ZNF469: variants seen among roughly 807,000 people sequenced by gnomAD.
ZNF469 encodes the protein zinc finger protein 469.
In ZNF469, 1 loss-of-function variant was observed where a neutral mutation model predicts 1.0. The observed-to-expected ratio is 1.00, with a 90% CI of 0.35 to 4.73. The LOEUF is 4.73. ZNF469 is among the 30% of genes most tolerant of loss of function. ZNF469 has a pLI of 0.16. For synonymous variants in ZNF469, 2,703 were observed against 2,363.4 expected, an observed-to-expected ratio of 1.14 and a Z score of -4.17; for missense variants, 6,100 against 5,356.3, an observed-to-expected ratio of 1.14 and a Z score of -4.33.
At chr16:88,166,557 C>A in the ZNF469 span, among the ~76,000 whole-genome samples, 1 of 152,142 alleles carries the variant, frequency 6.6e-6, no homozygotes, top group Non-Finnish European at 1.5e-5. This position sits in a 1 kb window ranked among gnomAD's most constrained non-coding sequence, Gnocchi z 4.5. Context: ...CCCAGCCATC[C>A]GTGTCCCTCC....
upstream of ZNF469, among the ~76,000 whole-genome samples, chr16:88,378,906 G>A (rs1182980188): frequency 2.6e-5 from 4 of 152,178 alleles, no homozygotes; most frequent in East Asian, 1.9e-4. Context: ...CTCCTCTCTC[G>A]AGAGCCCATC....
the ZNF469 span, among the ~76,000 whole-genome samples, chr16:88,356,119 C>A: frequency 6.6e-6 from 1 of 152,170 alleles, no homozygotes; most frequent in African/African-American, 2.4e-5. Context: ...CACTTCAGAA[C>A]TATGTGTGTA....
intron 1 of ZNF469, among the ~76,000 whole-genome samples, chr16:88,388,697 G>A (rs748306662): frequency 5.3e-5 from 8 of 152,226 alleles, no homozygotes; most frequent in Non-Finnish European, 1.0e-4. Context: ...TGTAGAAGCC[G>A]GAGAGCCTGA....
At chr16:88,192,289 G>A in the ZNF469 span, 1 of 152,186 alleles carries the variant, frequency 6.6e-6, no homozygotes, top group Non-Finnish European at 1.5e-5. Flanking sequence ...TAAGGCTGCT[G>A]GTAGAGCCTC....
At chr16:88,187,603 T>A in the ZNF469 span, among the ~76,000 whole-genome samples, 6 of 152,144 alleles carry the variant, frequency 3.9e-5, no homozygotes, top group East Asian at 1.9e-4. Flanking sequence ...TTATTTATTT[T>A]TTTTGACTTG....
chr16:88,128,822 C>T, the ZNF469 span, among the ~76,000 whole-genome samples: 2 of 152,352 alleles, frequency 1.3e-5, no homozygotes, highest in East Asian at 1.9e-4. Context: ...GCTCTGCTCA[C>T]CTGGGCCGGG....
At chr16:88,150,113 G>A in the ZNF469 span, among the ~76,000 whole-genome samples, 1 of 152,174 alleles carries the variant, frequency 6.6e-6, no homozygotes, top group African/African-American at 2.4e-5. Flanking sequence ...TTCGTGACCA[G>A]CCTGGCCAAC....
the ZNF469 span, among the ~76,000 whole-genome samples, chr16:88,238,406 G>A: frequency 6.6e-6 from 1 of 152,194 alleles, no homozygotes; most frequent in East Asian, 1.9e-4. Flanking sequence ...GGGACGCAGA[G>A]ACCCTAGATA....
the ZNF469 span, among the ~76,000 whole-genome samples, chr16:88,184,494 G>A: frequency 6.6e-6 from 1 of 151,814 alleles, no homozygotes; most frequent in Non-Finnish European, 1.5e-5. Context: ...CCTGGCGTTC[G>A]GTTTGTTTGT....
chr16:88,104,681 G>A, the ZNF469 span, among the ~76,000 whole-genome samples: 1 of 152,246 alleles, frequency 6.6e-6, no homozygotes, highest in Admixed American at 6.5e-5. Context: ...AGCCTACAAA[G>A]ATTCCTAAAG....
chr16:88,422,081 C>A (rs1905477826), intron 1 of ZNF469, among the ~76,000 whole-genome samples: 1 of 141,098 alleles, frequency 7.1e-6, no homozygotes, highest in African/African-American at 2.7e-5. Context: ...GGACGGGTGG[C>A]TGACTGGGTG....
chr16:88,346,457 C>A, the ZNF469 span, among the ~76,000 whole-genome samples: 1 of 152,258 alleles, frequency 6.6e-6, no homozygotes, highest in Non-Finnish European at 1.5e-5. Flanking sequence ...AGCTCCCATG[C>A]CACCTCAAAG....
chr16:88,150,571 G>A, the ZNF469 span, among the ~76,000 whole-genome samples: 3 of 152,276 alleles, frequency 2.0e-5, no homozygotes, highest in South Asian at 6.2e-4. Context: ...CTCAGTGCCT[G>A]GAACAGTGCC....
At chr16:88,328,958 G>A in the ZNF469 span, among the ~76,000 whole-genome samples, 1 of 152,178 alleles carries the variant, frequency 6.6e-6, no homozygotes, top group African/African-American at 2.4e-5. Context: ...AAGGGTCAGG[G>A]CCCTAAATGT....
intron 1 of ZNF469, among the ~76,000 whole-genome samples, chr16:88,388,012 C>T (rs1904382948): frequency 1.3e-5 from 2 of 152,376 alleles, no homozygotes; most frequent in South Asian, 4.1e-4. Flanking sequence ...GCCACGGCTC[C>T]CAGCCTCGGT....
chr16:88,163,756 G>C, the ZNF469 span, among the ~76,000 whole-genome samples: 1 of 152,042 alleles, frequency 6.6e-6, no homozygotes, highest in Non-Finnish European at 1.5e-5. Context: ...TGGGTAAGTG[G>C]ATGAATGGAT....
chr16:88,407,500 G>A (rs1029703761), intron 1 of ZNF469, among the ~76,000 whole-genome samples: 2 of 152,234 alleles, frequency 1.3e-5, no homozygotes, highest in Non-Finnish European at 2.9e-5. Flanking sequence ...AAATCACCAG[G>A]TGTCGGACAC....
At chr16:88,389,374 T>A (rs918163014) in intron 1 of ZNF469, among the ~76,000 whole-genome samples, 7 of 152,270 alleles carry the variant, frequency 4.6e-5, no homozygotes, top group African/African-American at 1.7e-4. Context: ...TTCTGCCCCG[T>A]GGACGGAGCA....
chr16:88,225,762 C>T, the ZNF469 span, among the ~76,000 whole-genome samples: 1 of 152,192 alleles, frequency 6.6e-6, no homozygotes, highest in African/African-American at 2.4e-5. Flanking sequence ...TGCCTATGAA[C>T]CAGGAAGGGG....
Sources: allele counts gnomAD v4.1 joint callset (sites outside exome capture counted in the v4.1 genomes callset), GRCh38; gene constraint gnomAD v4.1.1; non-coding constraint Gnocchi (gnomAD v3.1); transcripts MANE v1.5; gene names NCBI Gene and HGNC (gene_info 2026-07-23, HGNC 2026-07-21).